The following PARD3B variants were observed in gnomAD, a reference collection of about 807,000 sequenced individuals.
PARD3B encodes par-3 family cell polarity regulator beta, also known as partitioning defective 3 homolog B.
Under a neutral mutation model 130.2 loss-of-function variants are expected in PARD3B, and 103 were observed. That is an observed-to-expected ratio of 0.79 (90% CI 0.67 to 0.93). The LOEUF is 0.93. Among genes scored for constraint, PARD3B ranks in the 40% least tolerant of loss-of-function variants. The probability of loss-of-function intolerance (pLI) is 0.00; values close to 1 mark genes in which losing one functional copy is unlikely to be tolerated. For missense variants in PARD3B, 1,609 were observed against 1,499.2 expected (o/e 1.07, Z -1.21); for synonymous variants, 583 against 553.2 (o/e 1.05, Z -0.76).
At chr2:205,124,529 T>A in intron 9 of PARD3B, 63 bp downstream of exon 9, 2 of 1,284,952 alleles carry the variant, frequency 1.6e-6, no homozygotes, top group Non-Finnish European at 2.1e-6. Context: ...TGCCATTTAA[T>A]TGCATTGAAA....
At chr2:204,957,426 G>C (rs1203355564) in intron 2 of PARD3B, among the ~76,000 whole-genome samples, 1 of 152,086 alleles carries the variant, frequency 6.6e-6, no homozygotes, top group East Asian at 1.9e-4. Flanking sequence ...GCTTAAAGCT[G>C]TAAAGTTTTT....
Position 204,788,697 on chromosome 2 carries a change from A to C in PARD3B, c.222+102415A>C, listed in dbSNP as rs539888019. Among the ~76,000 whole-genome samples, 7 of 152,330 alleles carry C rather than the reference A, an allele frequency of 4.6e-5. No individual in the cohort carries two copies. In the South Asian group the frequency reaches 1.5e-3, roughly 32 times the overall value. ...CACAAATCACTTAAAGGTACTGGGC[A>C]CTGGATTTGTCACCTTAAAATATTG... On this transcript the variant is annotated intron_variant, in intron 2 of 22. Transcript: ENST00000406610.
intron 1 of PARD3B, among the ~76,000 whole-genome samples, chr2:204,668,292 A>G (rs2036117960): frequency 6.6e-6 from 1 of 152,198 alleles, no homozygotes; most frequent in Non-Finnish European, 1.5e-5. Context: ...TCTGTGCTTT[A>G]GATTAGAAGT....
At chr2:204,548,604 T>C (rs1449016785) in intron 1 of PARD3B, among the ~76,000 whole-genome samples, 1 of 152,224 alleles carries the variant, frequency 6.6e-6, no homozygotes, top group African/African-American at 2.4e-5. Flanking sequence ...TATTGTTTGT[T>C]TTTTAATGCT....
intron 2 of PARD3B, among the ~76,000 whole-genome samples, chr2:204,802,591 C>T (rs1280613205): frequency 6.6e-6 from 1 of 152,126 alleles, no homozygotes. Context: ...GGAACTAACC[C>T]AAATGCCCAT....
At chr2:205,615,063 G>T (rs2055374463) in intron 22 of PARD3B, among the ~76,000 whole-genome samples, 3 of 152,130 alleles carry the variant, frequency 2.0e-5, no homozygotes, top group South Asian at 4.1e-4. Flanking sequence ...AAACTAGTTT[G>T]GTTACTATAA....
At chr2:205,452,041 A>C (rs888756069) in intron 20 of PARD3B, among the ~76,000 whole-genome samples, 7 of 152,200 alleles carry the variant, frequency 4.6e-5, no homozygotes, top group African/African-American at 1.7e-4. Context: ...CTGAAAAAGC[A>C]TGTGCTTTGG....
At chr2:204,682,251 TTA>T (rs2036868934) in intron 1 of PARD3B, among the ~76,000 whole-genome samples, 1 of 152,176 alleles carries the variant, frequency 6.6e-6, no homozygotes, top group Non-Finnish European at 1.5e-5. Context: ...TTGTATTAAG[TTA>T]TTTAATAACA....
At chr2:204,706,589 C>T (rs1246810377) in intron 2 of PARD3B, among the ~76,000 whole-genome samples, 5 of 151,606 alleles carry the variant, frequency 3.3e-5, no homozygotes, top group African/African-American at 7.3e-5. Context: ...AAAAATAAGT[C>T]GAGTTGGACA....
At chr2:204,845,216 A>C (rs1405338984) in intron 2 of PARD3B, among the ~76,000 whole-genome samples, 3 of 152,122 alleles carry the variant, frequency 2.0e-5, no homozygotes, top group African/African-American at 7.2e-5. Context: ...TGTAGCCACC[A>C]CTCATTATGA....
intron 10 of PARD3B, among the ~76,000 whole-genome samples, chr2:205,138,758 GT>G (rs776763341): frequency 4.6e-5 from 7 of 152,162 alleles, no homozygotes; most frequent in Middle Eastern, 3.2e-3. Context: ...TCTTCTTAGT[GT>G]TTGTTTGTTC....
intron 1 of PARD3B, among the ~76,000 whole-genome samples, chr2:204,630,282 A>G (rs1306896493): frequency 6.6e-6 from 1 of 152,166 alleles, no homozygotes; most frequent in African/African-American, 2.4e-5. Flanking sequence ...GTGTAGGGTA[A>G]CCACGGTATA....
At chr2:204,572,444 A>G (rs912986464) in intron 1 of PARD3B, among the ~76,000 whole-genome samples, 2 of 152,208 alleles carry the variant, frequency 1.3e-5, no homozygotes, top group Non-Finnish European at 2.9e-5. Flanking sequence ...CTCTCCCTAC[A>G]CCAGTAGCTC....
intron 18 of PARD3B, among the ~76,000 whole-genome samples, chr2:205,380,462 A>G (rs1425973234): frequency 1.9e-5 from 1 of 51,438 alleles, no homozygotes; most frequent in Non-Finnish European, 3.3e-5. Context: ...TATATAATAT[A>G]TAAAGAATAT....
chr2:204,872,684 T>C (rs1383818292), intron 2 of PARD3B, among the ~76,000 whole-genome samples: 1 of 152,188 alleles, frequency 6.6e-6, no homozygotes, highest in Admixed American at 6.6e-5. Context: ...TCTGTGTGTT[T>C]CTCTAATTGG....
intron 2 of PARD3B, among the ~76,000 whole-genome samples, chr2:204,872,601 G>C (rs942457709): frequency 2.6e-5 from 4 of 152,100 alleles, no homozygotes; most frequent in African/African-American, 9.7e-5. Context: ...CTGTCATACT[G>C]TTTAATATCT....
chr2:204,566,677 T>C (rs956726325), intron 1 of PARD3B, among the ~76,000 whole-genome samples: 50 of 152,336 alleles, frequency 3.3e-4, no homozygotes, highest in African/African-American at 1.2e-3. Flanking sequence ...TTACTAAATA[T>C]CTATAAAGAC....
chr2:205,368,819 A>G, intron 18 of PARD3B, among the ~76,000 whole-genome samples: 1 of 151,476 alleles, frequency 6.6e-6, no homozygotes, highest in Non-Finnish European at 1.5e-5. Context: ...CTTGTAACAC[A>G]AATTATCTAC....
rs1415298197 is a variant in PARD3B at position 205,258,116 on chromosome 2, A to G, written c.2185+12294A>G. Reference sequence around the variant, plus strand: ...TGGAGAGAGAAACATAACAGATGCAATGGTACACTTCCATGTGGGCCTGGA... The same window carrying G: ...TGGAGAGAGAAACATAACAGATGCAGTGGTACACTTCCATGTGGGCCTGGA... On this transcript the variant is annotated intron_variant, in intron 16 of 22. Transcript: ENST00000406610. This position sits in a 1 kb window ranked among gnomAD's most constrained non-coding sequence, Gnocchi z 4.9. Among the ~76,000 whole-genome samples, 1 of 152,154 alleles carries G rather than the reference A, an allele frequency of 6.6e-6. No homozygotes were observed.
Sources: allele counts gnomAD v4.1 joint callset (sites outside exome capture counted in the v4.1 genomes callset), GRCh38; gene constraint gnomAD v4.1.1; non-coding constraint Gnocchi (gnomAD v3.1); transcripts MANE v1.5; gene names NCBI Gene and HGNC (gene_info 2026-07-23, HGNC 2026-07-21).